Variants in SSR1 observed in about 807,000 individuals in gnomAD.
The protein encoded by SSR1 is translocon-associated protein subunit alpha.
SSR1 carries 13 observed loss-of-function variants against 36.1 expected under a neutral mutation model. The observed-to-expected ratio is 0.36, with a 90% CI of 0.23 to 0.57. The LOEUF (loss-of-function observed/expected upper bound fraction) is 0.57. Ranked by LOEUF, SSR1 falls within the 20% of genes least tolerant of loss-of-function variation. The pLI is 0.81. For missense variants in SSR1, 291 were observed against 338.5 expected (o/e 0.86, Z 1.10); for synonymous variants, 113 against 118.9 (o/e 0.95, Z 0.32).
In SSR1 at chr6:7,287,464, C is replaced by T. The variant is rs1291203283; in HGVS notation, c.*2400G>A. On this transcript the variant is annotated 3_prime_UTR_variant, in exon 8 of 8. Transcript: ENST00000244763. ...CCCTGAGGCTTCTACTTCTGAGGTCCCATTTCCTTTTCCTCTCCTGGGACA... is the reference window on the plus strand; with the variant it reads ...CCCTGAGGCTTCTACTTCTGAGGTCTCATTTCCTTTTCCTCTCCTGGGACA... 6.6e-6 allele frequency: 1 copy of T among 152,104 alleles called. No individual in the cohort carries two copies. The highest frequency in any genetic ancestry group is 6.5e-5 in the Admixed American group (1 of 15,270). The allele number at this position is 152,104 out of a possible 1,614,324, so 9.4% of individuals were successfully genotyped here. A position where few individuals can be genotyped will look rare whatever the true frequency, so the allele number is the denominator to read the frequency against.
chr6:7,300,767 C>T (rs376170329), intron 4 of SSR1, among the ~76,000 whole-genome samples: 2 of 152,056 alleles, frequency 1.3e-5, no homozygotes, highest in Non-Finnish European at 2.9e-5. Flanking sequence ...CTCAGCCTCC[C>T]GAGTAGCTGG....
At chr6:7,297,776 G>A in intron 6 of SSR1, 147 bp downstream of exon 6, 1 of 565,814 alleles carries the variant, frequency 1.8e-6, no homozygotes, top group Non-Finnish European at 3.1e-6. Flanking sequence ...ACATATCTAA[G>A]GCTTCAGGTT....
chr6:7,302,278 G>A (rs939386745), intron 3 of SSR1, among the ~76,000 whole-genome samples: 7 of 152,160 alleles, frequency 4.6e-5, no homozygotes, highest in Non-Finnish European at 8.8e-5. Flanking sequence ...CAGGCTATGG[G>A]GCCAACAGAT....
At chr6:7,302,223 T>C (rs940419635) in intron 3 of SSR1, among the ~76,000 whole-genome samples, 5 of 152,244 alleles carry the variant, frequency 3.3e-5, no homozygotes, top group African/African-American at 4.8e-5. Context: ...AAGTCTTCAA[T>C]AATTATACAG....
Position 7,287,616 on chromosome 6 carries a change from T to C in SSR1, c.*2248A>G, listed in dbSNP as rs533013810. 6.8e-4 allele frequency: 103 copies of C among 152,536 alleles called. No homozygotes were observed. The highest frequency in any genetic ancestry group is 2.2e-3 in the African/African-American group (93 of 41,580). 9.4% of individuals were successfully genotyped at this position (152,536 alleles called of 1,614,324 possible). A position where few individuals can be genotyped will look rare whatever the true frequency, so the allele number is the denominator to read the frequency against. On this transcript the variant is annotated 3_prime_UTR_variant, in exon 8 of 8. Coordinates refer to ENST00000244763, the MANE Select transcript of SSR1 (RefSeq NM_003144.5). ...CACATTATTCTCACACATCCGGGGATAGGTTTGATACACAAGATCCTTAAA... is the reference window on the plus strand; with the variant it reads ...CACATTATTCTCACACATCCGGGGACAGGTTTGATACACAAGATCCTTAAA...
intron 5 of SSR1, 87 bp downstream of exon 5, chr6:7,298,660 C>G: frequency 1.0e-6 from 1 of 963,798 alleles, no homozygotes; most frequent in African/African-American, 1.6e-5. Context: ...CCATCGTCAA[C>G]ATCTAAAACA....
intron 6 of SSR1, among the ~76,000 whole-genome samples, chr6:7,296,014 A>G (rs1405676635): frequency 1.3e-5 from 2 of 152,248 alleles, no homozygotes; most frequent in Non-Finnish European, 2.9e-5. Flanking sequence ...ATAACTGCTG[A>G]TATGTTACAT....
chr6:7,296,028 G>A lies in SSR1; in HGVS notation c.700-543C>T, dbSNP rs566234540. On this transcript the variant is annotated intron_variant, in intron 6 of 7. Transcript: ENST00000244763. ...GATAACTGCTGATATGTTACATGCA[G>A]GCAGTTTCTGCATCGTAAGCTAAAT... Among the ~76,000 whole-genome samples, 4 of 152,218 alleles carry A rather than the reference G, an allele frequency of 2.6e-5. No homozygotes were observed. The South Asian group carries it at 8.3e-4, about 32-fold the overall frequency.
intron 2 of SSR1, among the ~76,000 whole-genome samples, chr6:7,309,256 T>TA (rs1013385194): frequency 1.3e-5 from 2 of 151,996 alleles, no homozygotes; most frequent in Non-Finnish European, 2.9e-5. Flanking sequence ...CCAGAAGTTT[T>TA]AGACTAGCCT....
In SSR1 at chr6:7,287,218, G is replaced by A. The variant is rs1757575054; in HGVS notation, c.*2646C>T. ...CACATCATTAAGTAAAGGTGGCAAT[G>A]TTACATTACCACCATTTACTTCTCC... On this transcript the variant is annotated 3_prime_UTR_variant, in exon 8 of 8. Transcript: ENST00000244763. 6.6e-6 allele frequency: 1 copy of A among 152,136 alleles called. No homozygotes were observed. Among genetic ancestry groups the A allele is most frequent in the African/African-American group, 2.4e-5 (1 of 41,414 alleles). 9.4% of individuals were successfully genotyped at this position (152,136 alleles called of 1,614,324 possible).
At chr6:7,301,220 C>A (rs935581205) in intron 4 of SSR1, 90 bp downstream of exon 4, 32 of 1,460,940 alleles carry the variant, frequency 2.2e-5, no homozygotes, top group Non-Finnish European at 2.7e-5. Flanking sequence ...ACAAAACAGG[C>A]AACTGAATGA....
At chr6:7,299,884 C>G (rs116420323) in intron 4 of SSR1, among the ~76,000 whole-genome samples, 11 of 152,054 alleles carry the variant, frequency 7.2e-5, no homozygotes. Flanking sequence ...ATTGTCAAAA[C>G]TGTCACTTAT....
rs957439981 is a variant in SSR1 at position 7,286,250 on chromosome 6, TAAAA to T, written c.*3610_*3613del. 1 of 147,234 alleles carries T rather than the reference TAAAA, an allele frequency of 6.8e-6. No homozygotes were observed. 9.1% of individuals were successfully genotyped at this position (147,234 alleles called of 1,614,324 possible). ...GCTATTATCCCTAAATTTCAAAATC[TAAAA>T]AAAAAACCTTAGAACCTCAGATGAT... On this transcript the variant is annotated 3_prime_UTR_variant, in exon 8 of 8. Coordinates refer to ENST00000244763, the MANE Select transcript of SSR1 (RefSeq NM_003144.5).
chr6:7,306,422 C>T (rs530779922), intron 2 of SSR1, among the ~76,000 whole-genome samples: 48 of 152,030 alleles, frequency 3.2e-4, no homozygotes, highest in Non-Finnish European at 4.9e-4. Flanking sequence ...GGAGTACAGG[C>T]GTGAGCCACT....
At chr6:7,293,957 G>A (rs1052861089) in intron 7 of SSR1, among the ~76,000 whole-genome samples, 12 of 152,130 alleles carry the variant, frequency 7.9e-5, no homozygotes, top group African/African-American at 2.9e-4. Flanking sequence ...TATTGTGCAT[G>A]GTTGAGAACA....
Position 7,310,224 on chromosome 6 carries a change from A to ATTTTT in SSR1, c.80-200_80-196dup, listed in dbSNP as rs10633004. Among the ~76,000 whole-genome samples the ATTTTT allele has an allele frequency of 2.0e-3, 281 of 139,376 alleles. 4 individuals are homozygous for ATTTTT. Among genetic ancestry groups the ATTTTT allele is most frequent in the African/African-American group, 5.2e-3 (193 of 37,126 alleles). 91.4% of individuals were successfully genotyped at this position (139,376 alleles called of 152,430 possible). On this transcript the variant is annotated intron_variant, in intron 1 of 7. Transcript: ENST00000244763. ...TAGTAGTCTTAACAACTGCATATCA[A>ATTTTT]TTTTTTTTTTTTTTTTTTAAGAGTC... is the stretch of plus-strand genomic sequence containing the variant.
chr6:7,302,598 C>T (rs755141430), intron 3 of SSR1, among the ~76,000 whole-genome samples: 5 of 151,874 alleles, frequency 3.3e-5, no homozygotes, highest in East Asian at 1.9e-4. Context: ...CCCATCCCTA[C>T]TAAAAATACA....
intron 7 of SSR1, chr6:7,295,026 A>G: frequency 7.2e-7 from 1 of 1,397,718 alleles, no homozygotes; most frequent in Non-Finnish European, 9.4e-7. Context: ...TAAAATATTT[A>G]CGTGCTATTT....
At chr6:7,293,236 G>A (rs1435611969) in intron 7 of SSR1, among the ~76,000 whole-genome samples, 3 of 151,432 alleles carry the variant, frequency 2.0e-5, no homozygotes, top group Admixed American at 1.3e-4. Context: ...GACAGATGGT[G>A]TTTGGCTACA....
Sources: allele counts gnomAD v4.1 joint callset (sites outside exome capture counted in the v4.1 genomes callset), GRCh38; gene constraint gnomAD v4.1.1; transcripts MANE v1.5; gene names NCBI Gene and HGNC (gene_info 2026-07-23, HGNC 2026-07-21).